The following TEAD1 variants were observed in gnomAD, a reference collection of about 807,000 sequenced individuals.
The protein encoded by TEAD1 is TEA domain transcription factor 1.
A neutral mutation model predicts 54.9 loss-of-function variants in TEAD1; 9 were observed. That is an observed-to-expected ratio of 0.16 (90% CI 0.10 to 0.29). The LOEUF is 0.29. Ranked by LOEUF, TEAD1 falls within the 10% of genes least tolerant of loss-of-function variation. The probability of loss-of-function intolerance (pLI) is 1.00; values close to 1 mark genes in which losing one functional copy is unlikely to be tolerated. For missense variants in TEAD1, 387 were observed against 535.9 expected, an observed-to-expected ratio of 0.72 and a Z score of 2.74; for synonymous variants, 200 against 187.8, an observed-to-expected ratio of 1.07 and a Z score of -0.53.
At chr11:12,748,542 G>C (rs1944798753) in intron 2 of TEAD1, among the ~76,000 whole-genome samples, 1 of 152,202 alleles carries the variant, frequency 6.6e-6, no homozygotes, top group Non-Finnish European at 1.5e-5. Context: ...CTTCAAGTGA[G>C]TGTATGATGA....
At chr11:12,823,393 A>G (rs1946590382) in intron 3 of TEAD1, 1 of 152,166 alleles carries the variant, frequency 6.6e-6, no homozygotes, top group Non-Finnish European at 1.5e-5. Flanking sequence ...AACGTACCTC[A>G]GTGAGGTACC....
At chr11:12,928,603 T>TGTA (rs200147219) in intron 11 of TEAD1, among the ~76,000 whole-genome samples, 1,608 of 152,278 alleles carry the variant, frequency 0.011, 19 homozygotes, top group African/African-American at 0.037. Context: ...TTGCCAAATT[T>TGTA]CAGTCTTGAA....
In TEAD1 at chr11:12,940,375, G is replaced by C. The variant is rs1949149848; in HGVS notation, c.*3153G>C. On this transcript the variant is annotated 3_prime_UTR_variant, in exon 13 of 13. Transcript: ENST00000527636. ...CTATTCCCCACCCAGCGTGTCTCCA[G>C]ATATTGTCAAATATCCCATCGGGTG... 1 of 152,176 alleles carries C rather than the reference G, an allele frequency of 6.6e-6. No homozygotes were observed. Among genetic ancestry groups the C allele is most frequent in the African/African-American group, 2.4e-5 (1 of 41,430 alleles). 9.4% of individuals were successfully genotyped at this position (152,176 alleles called of 1,614,324 possible).
At chr11:12,762,954 G>A (rs1015652636) in intron 2 of TEAD1, among the ~76,000 whole-genome samples, 1 of 152,148 alleles carries the variant, frequency 6.6e-6, no homozygotes, top group East Asian at 1.9e-4. Context: ...GGGGTGAGAA[G>A]GGGAGGAACT....
intron 2 of TEAD1, among the ~76,000 whole-genome samples, chr11:12,713,771 T>TC (rs1229626220): frequency 6.6e-6 from 1 of 152,200 alleles, no homozygotes; most frequent in African/African-American, 2.4e-5. Context: ...ACCTGGTTGT[T>TC]CGCCTTTTCC....
rs1441212582 is a variant in TEAD1, at chr11:12,679,056, T to C, written c.-55+3495T>C. Among the ~76,000 whole-genome samples, 3 of 152,322 alleles carry C rather than the reference T, an allele frequency of 2.0e-5. No homozygotes were observed. The East Asian group carries it at 5.8e-4, about 29-fold the overall frequency. The stretch of plus-strand genomic sequence containing the variant: ...GTTGAGAGGATTCTCAAAAAAATAG[T>C]TTCCAATAGTCCGGGAGTCTTGGCT... On this transcript the variant is annotated intron_variant, in intron 2 of 12. Transcript: ENST00000527636.
At chr11:12,745,532 C>A (rs1358752557) in intron 2 of TEAD1, among the ~76,000 whole-genome samples, 1 of 150,406 alleles carries the variant, frequency 6.6e-6, no homozygotes, top group African/African-American at 2.4e-5. Flanking sequence ...AGAATCGCTG[C>A]CTGTCTGCAT....
chr11:12,699,998 C>T lies in TEAD1; in HGVS notation c.-55+24437C>T, dbSNP rs76375711. Among the ~76,000 whole-genome samples the T allele has an allele frequency of 7.5e-3, 1,147 of 152,268 alleles. 14 individuals carry two copies. The highest frequency in any genetic ancestry group is 0.027 in the African/African-American group (1,102 of 41,540). Reference sequence around the variant, plus strand: ...GTGGAGACTGATGACCCAGCACAGGCGTTGTCAACCCACACATTATTTGGG... The same window carrying T: ...GTGGAGACTGATGACCCAGCACAGGTGTTGTCAACCCACACATTATTTGGG... On this transcript the variant is annotated intron_variant, in intron 2 of 12. Coordinates refer to ENST00000527636, the MANE Select transcript of TEAD1 (RefSeq NM_021961.6).
intron 2 of TEAD1, among the ~76,000 whole-genome samples, chr11:12,710,974 C>T (rs756707981): frequency 6.6e-6 from 1 of 152,074 alleles, no homozygotes; most frequent in Non-Finnish European, 1.5e-5. Flanking sequence ...TCTGGGAGGC[C>T]CCCGCCATTT....
At chr11:12,675,010 T>C (rs1943046469) in intron 1 of TEAD1, among the ~76,000 whole-genome samples, 176 bp downstream of exon 1, 1 of 143,214 alleles carries the variant, frequency 7.0e-6, no homozygotes, top group Non-Finnish European at 1.5e-5. Context: ...CCGCGCCCCC[T>C]CCGAGGTGAG....
At chr11:12,697,925 A>G (rs1943620233) in intron 2 of TEAD1, among the ~76,000 whole-genome samples, 1 of 150,548 alleles carries the variant, frequency 6.6e-6, no homozygotes, top group Admixed American at 6.6e-5. Context: ...TGGGAGACTG[A>G]GGTGGGAGAA....
chr11:12,886,982 A>G (rs1429995642), intron 9 of TEAD1, among the ~76,000 whole-genome samples: 3 of 151,478 alleles, frequency 2.0e-5, no homozygotes, highest in Non-Finnish European at 2.9e-5. Flanking sequence ...CTCAGTCACT[A>G]TTGTTGGTGT....
chr11:12,827,156 G>A (rs1030069432), intron 3 of TEAD1, among the ~76,000 whole-genome samples: 7 of 152,212 alleles, frequency 4.6e-5, no homozygotes, highest in Admixed American at 4.6e-4. Flanking sequence ...TGAGGGAAAA[G>A]CATTGAGAGT....
intron 3 of TEAD1, among the ~76,000 whole-genome samples, chr11:12,847,047 T>C (rs924302280): frequency 2.0e-5 from 3 of 152,148 alleles, no homozygotes; most frequent in African/African-American, 7.2e-5. Flanking sequence ...GCATTCTTCT[T>C]TGCATCCCCA....
intron 5 of TEAD1, among the ~76,000 whole-genome samples, chr11:12,876,031 G>A (rs193185913): frequency 1.3e-5 from 2 of 152,182 alleles, no homozygotes; most frequent in East Asian, 3.9e-4. Context: ...CCAGGTCTCC[G>A]GACACCCCAG....
At chr11:12,770,107 A>G (rs1433429683) in intron 3 of TEAD1, among the ~76,000 whole-genome samples, 3 of 151,990 alleles carry the variant, frequency 2.0e-5, no homozygotes, top group Admixed American at 6.5e-5. Flanking sequence ...AATATGGACA[A>G]TAGCAGAGCA....
intron 2 of TEAD1, among the ~76,000 whole-genome samples, chr11:12,726,571 A>G (rs1255815989): frequency 6.6e-6 from 1 of 152,174 alleles, no homozygotes; most frequent in Admixed American, 6.5e-5. Context: ...AGTAAAACAC[A>G]TCATGAACAA....
intron 2 of TEAD1, among the ~76,000 whole-genome samples, chr11:12,746,606 C>G (rs1319682949): frequency 6.6e-6 from 1 of 152,228 alleles, no homozygotes; most frequent in East Asian, 1.9e-4. Flanking sequence ...TTCTTAAAAA[C>G]CAAGTCCTCT....
At chr11:12,863,639 A>G (rs1023273699) in intron 4 of TEAD1, among the ~76,000 whole-genome samples, 2 of 152,162 alleles carry the variant, frequency 1.3e-5, no homozygotes, top group Admixed American at 1.3e-4. Context: ...CTGAACTTTT[A>G]AATGGAAAGT....
Sources: gnomAD v4.1 joint callset for allele counts (sites outside exome capture counted in the v4.1 genomes callset) on GRCh38, gnomAD v4.1.1 for gene constraint, MANE v1.5 for transcripts, NCBI Gene and HGNC (gene_info 2026-07-23, HGNC 2026-07-21) for gene names.